TRAPPC9: variants seen among roughly 807,000 people sequenced by gnomAD.
TRAPPC9 encodes trafficking protein particle complex subunit 9, also known as IKK2 binding protein.
TRAPPC9 carries 83 observed loss-of-function variants against 124.0 expected under a neutral mutation model. The observed-to-expected ratio is 0.67, with a 90% CI of 0.56 to 0.80. TRAPPC9 has a LOEUF of 0.80. Ranked by LOEUF, TRAPPC9 falls within the 30% of genes least tolerant of loss-of-function variation. TRAPPC9 has a pLI of 0.00. For synonymous variants in TRAPPC9, 638 were observed against 617.5 expected (o/e 1.03, Z -0.49); for missense variants, 1,302 against 1,508.3 (o/e 0.86, Z 2.27).
At chr8:139,966,309 T>A (rs889861375) in intron 19 of TRAPPC9, among the ~76,000 whole-genome samples, 1 of 152,262 alleles carries the variant, frequency 6.6e-6, no homozygotes, top group South Asian at 2.1e-4. Context: ...AAACGCAGGA[T>A]CACCCTGGGC....
intron 19 of TRAPPC9, among the ~76,000 whole-genome samples, chr8:139,930,808 G>A (rs1833094244): frequency 6.6e-6 from 1 of 152,172 alleles, no homozygotes; most frequent in Non-Finnish European, 1.5e-5. Context: ...CTCAAAACAG[G>A]GAAGGAGGCG....
chr8:140,231,776 C>A (rs574346065), intron 16 of TRAPPC9, among the ~76,000 whole-genome samples: 1 of 151,556 alleles, frequency 6.6e-6, no homozygotes, highest in Admixed American at 6.6e-5. Flanking sequence ...GGTTTTTACA[C>A]GCACATAAAA....
intron 9 of TRAPPC9, among the ~76,000 whole-genome samples, chr8:140,342,976 T>C (rs1001026093): frequency 3.3e-5 from 5 of 152,214 alleles, no homozygotes; most frequent in African/African-American, 7.2e-5. Context: ...CCGTATATTT[T>C]AGTCTGTTAA....
intron 18 of TRAPPC9, among the ~76,000 whole-genome samples, chr8:140,001,524 A>ACCCC (rs1298174605): frequency 6.6e-6 from 1 of 152,216 alleles, no homozygotes; most frequent in Non-Finnish European, 1.5e-5. Flanking sequence ...TAAAAAACTG[A>ACCCC]TTTTTAAAAA....
At chr8:139,745,071 C>A (rs753406216) in intron 21 of TRAPPC9, among the ~76,000 whole-genome samples, 3 of 152,190 alleles carry the variant, frequency 2.0e-5, no homozygotes, top group Non-Finnish European at 4.4e-5. Flanking sequence ...CTGATTACAC[C>A]CTGCATGGCC....
intron 18 of TRAPPC9, among the ~76,000 whole-genome samples, chr8:140,022,715 A>G (rs578255842): frequency 3.9e-5 from 6 of 152,320 alleles, no homozygotes; most frequent in African/African-American, 1.4e-4. Flanking sequence ...ATCCTGGCCA[A>G]GCTTCCCCAG....
chr8:139,752,709 C>T (rs1586764214), intron 21 of TRAPPC9, among the ~76,000 whole-genome samples: 1 of 152,052 alleles, frequency 6.6e-6, no homozygotes, highest in Admixed American at 6.5e-5. Flanking sequence ...TACCATTCAT[C>T]CATTCATACA....
In TRAPPC9 at chr8:140,241,652, G is replaced by A. The variant is rs1587995965; in HGVS notation, c.2431+11125C>T. 1.3e-5 allele frequency among the ~76,000 whole-genome samples: 2 copies of A among 150,398 alleles called. No homozygotes were observed. On this transcript the variant is annotated intron_variant, in intron 16 of 22. Coordinates refer to ENST00000438773, the MANE Select transcript of TRAPPC9 (RefSeq NM_001160372.4). The surrounding 1 kb of genome is among the most constrained non-coding windows in gnomAD (Gnocchi z 5.0). Reference sequence around the variant, plus strand: ...AGAGGTTGCAGTGAGCTGAGATAGTGCTACTGCACTCCAGCCTGGCAACAG... The same window carrying A: ...AGAGGTTGCAGTGAGCTGAGATAGTACTACTGCACTCCAGCCTGGCAACAG...
intron 21 of TRAPPC9, among the ~76,000 whole-genome samples, chr8:139,805,675 AGG>A (rs1823997461): frequency 6.6e-6 from 1 of 152,198 alleles, no homozygotes; most frequent in Non-Finnish European, 1.5e-5. Context: ...AGTCCACAAG[AGG>A]AGTTATAAAA....
intron 16 of TRAPPC9, among the ~76,000 whole-genome samples, chr8:140,249,639 T>C (rs1414576759): frequency 7.0e-6 from 1 of 143,424 alleles, no homozygotes; most frequent in Non-Finnish European, 1.5e-5. Context: ...AGTCTCGCTC[T>C]GTCACCCAGG....
At chr8:139,840,467 G>A (rs1190438949) in intron 21 of TRAPPC9, among the ~76,000 whole-genome samples, 1 of 152,242 alleles carries the variant, frequency 6.6e-6, no homozygotes, top group Non-Finnish European at 1.5e-5. Flanking sequence ...AACGGGGCCT[G>A]GAAGGAGGCA....
At chr8:139,922,466 G>T (rs1263122128) in intron 19 of TRAPPC9, among the ~76,000 whole-genome samples, 3 of 152,268 alleles carry the variant, frequency 2.0e-5, no homozygotes, top group Non-Finnish European at 4.4e-5. Context: ...ACAGGCGTGA[G>T]CCACCGCTCC....
In TRAPPC9 at chr8:139,960,905, G is replaced by A. The variant is rs971993141; in HGVS notation, c.2810+27821C>T. 1.1e-3 allele frequency among the ~76,000 whole-genome samples: 142 copies of A among 125,428 alleles called. 20 individuals are homozygous for A. The highest frequency in any genetic ancestry group is 3.4e-3 in the African/African-American group (135 of 39,642). 82.3% of individuals were successfully genotyped at this position (125,428 alleles called of 152,430 possible). ...GAGGAGCCAGTAGGGACAAATAATG[G>A]TTGTTCGGTGGCTTAACCCCTAACG... On this transcript the variant is annotated intron_variant, in intron 19 of 22. Transcript: ENST00000438773.
At chr8:140,298,699 C>T (rs1480279838) in intron 11 of TRAPPC9, among the ~76,000 whole-genome samples, 1 of 152,166 alleles carries the variant, frequency 6.6e-6, no homozygotes, top group Non-Finnish European at 1.5e-5. Flanking sequence ...CTTATTGTCC[C>T]TTCTGCCTTG....
At chr8:140,167,291 T>C (rs1445119401) in intron 17 of TRAPPC9, among the ~76,000 whole-genome samples, 2 of 152,090 alleles carry the variant, frequency 1.3e-5, no homozygotes, top group Non-Finnish European at 2.9e-5. Flanking sequence ...AGGTAAAGGA[T>C]TAATGGTTGT....
At chr8:140,385,541 C>T (rs1197818732) in intron 7 of TRAPPC9, among the ~76,000 whole-genome samples, 1 of 152,192 alleles carries the variant, frequency 6.6e-6, no homozygotes, top group Non-Finnish European at 1.5e-5. Context: ...ATAAACACCT[C>T]TATGCAAATA....
chr8:140,242,875 G>C (rs945997430), intron 16 of TRAPPC9, among the ~76,000 whole-genome samples: 6 of 152,228 alleles, frequency 3.9e-5, no homozygotes, highest in Non-Finnish European at 7.3e-5. Context: ...GGATGAGTAA[G>C]TGGCAACCAC....
chr8:140,013,697 G>A (rs1264543804), intron 18 of TRAPPC9, among the ~76,000 whole-genome samples: 1 of 152,188 alleles, frequency 6.6e-6, no homozygotes, highest in African/African-American at 2.4e-5. Context: ...TTTGTCCCTA[G>A]AACCTGACAC....
intron 6 of TRAPPC9, among the ~76,000 whole-genome samples, chr8:140,399,758 A>T (rs1983413): frequency 6.6e-6 from 1 of 152,110 alleles, no homozygotes; most frequent in Non-Finnish European, 1.5e-5. Flanking sequence ...ATGAGTTAAA[A>T]CTTTGGGGAA....
Sources: gnomAD v4.1 joint callset for allele counts (sites outside exome capture counted in the v4.1 genomes callset) on GRCh38, gnomAD v4.1.1 for gene constraint, Gnocchi (gnomAD v3.1) non-coding constraint, MANE v1.5 for transcripts, NCBI Gene and HGNC (gene_info 2026-07-23, HGNC 2026-07-21) for gene names.